DAB1: variants seen among roughly 807,000 people sequenced by gnomAD.
DAB1 encodes the protein DAB adaptor protein 1.
Under a neutral mutation model 64.6 loss-of-function variants are expected in DAB1, and 15 were observed. The observed-to-expected ratio is 0.23, with a 90% CI of 0.16 to 0.36. The LOEUF (loss-of-function observed/expected upper bound fraction) is 0.36. Among genes scored for constraint, DAB1 ranks in the 10% least tolerant of loss-of-function variants. The pLI, the probability that DAB1 is intolerant of heterozygous loss-of-function variation, is 1.00. For synonymous variants in DAB1, 235 were observed against 251.9 expected, an observed-to-expected ratio of 0.93 and a Z score of 0.64; for missense variants, 596 against 706.7, an observed-to-expected ratio of 0.84 and a Z score of 1.78.
intron 7 of DAB1, among the ~76,000 whole-genome samples, chr1:57,440,481 C>T (rs900051953): frequency 6.6e-6 from 1 of 151,526 alleles, no homozygotes; most frequent in Admixed American, 6.6e-5. Flanking sequence ...CCAGCCAGGG[C>T]TTGTGAAGAA....
intron 2 of DAB1, among the ~76,000 whole-genome samples, chr1:57,230,083 G>T (rs1023692380): frequency 5.3e-5 from 8 of 152,116 alleles, no homozygotes; most frequent in Non-Finnish European, 1.2e-4. Flanking sequence ...TCAAATTTCA[G>T]TTCTGAACTC....
chr1:57,105,384 G>GGT (rs140805735), intron 4 of DAB1, among the ~76,000 whole-genome samples: 108 of 149,392 alleles, frequency 7.2e-4, no homozygotes, highest in Non-Finnish European at 1.1e-3. Flanking sequence ...CCCAGTGTGT[G>GGT]GTGTGTGTGT....
chr1:58,058,506 A>G (rs1419431246), intron 5 of DAB1, among the ~76,000 whole-genome samples: 2 of 152,192 alleles, frequency 1.3e-5, no homozygotes, highest in African/African-American at 4.8e-5. Context: ...CAGGCTCTGA[A>G]CAGTTTTCCC....
rs112143726 is a variant in DAB1, at chr1:58,402,638, G to A, written n.258-59235C>T. ...TGAATAATTGAAGGGGAAGAGGAGG[G>A]AAAGGAGGAGGGGGGGAGAGAGAGG... is the stretch of plus-strand genomic sequence containing the variant. On this transcript the variant is annotated intron_variant and non_coding_transcript_variant, in intron 3 of 20. Coordinates refer to the DAB1 transcript ENST00000485760. 2.8e-3 allele frequency among the ~76,000 whole-genome samples: 421 copies of A among 151,494 alleles called. 2 individuals are homozygous for A. The highest frequency in any genetic ancestry group is 9.6e-3 in the African/African-American group (398 of 41,408).
intron 5 of DAB1, among the ~76,000 whole-genome samples, chr1:58,065,049 G>A (rs1336707026): frequency 6.6e-6 from 1 of 152,172 alleles, no homozygotes; most frequent in African/African-American, 2.4e-5. Context: ...TCTGAGTTGG[G>A]TACTATGCTA....
intron 3 of DAB1, among the ~76,000 whole-genome samples, chr1:58,382,246 T>G (rs1208935438): frequency 1.3e-5 from 2 of 152,172 alleles, no homozygotes; most frequent in African/African-American, 4.8e-5. Context: ...CTGCTTGGTC[T>G]TTCCTACTGT....
intron 6 of DAB1, among the ~76,000 whole-genome samples, chr1:57,744,806 GAGGACATGGTTCCTGTCCAGT>G (rs1305937255): frequency 6.6e-6 from 1 of 152,144 alleles, no homozygotes; most frequent in Admixed American, 6.5e-5. Flanking sequence ...AACTATGGCC[GAGGACATGGTTCCTGTCCAGT>G]AGGAACAAAA....
chr1:58,177,575 C>T (rs1213191342), intron 4 of DAB1, among the ~76,000 whole-genome samples: 2 of 152,088 alleles, frequency 1.3e-5, no homozygotes, highest in East Asian at 3.9e-4. Flanking sequence ...GACTATAATA[C>T]ACAGTGCCTG....
intron 6 of DAB1, among the ~76,000 whole-genome samples, chr1:57,771,891 A>T (rs1649578834): frequency 6.6e-6 from 1 of 152,064 alleles, no homozygotes; most frequent in Non-Finnish European, 1.5e-5. Context: ...CACTCACCAT[A>T]GTAATTTTGA....
chr1:57,251,303 T>C (rs1669318958), intron 2 of DAB1, among the ~76,000 whole-genome samples: 1 of 152,224 alleles, frequency 6.6e-6, no homozygotes, highest in African/African-American at 2.4e-5. Flanking sequence ...CAGGGCCATT[T>C]CTGAAAACCC....
At chr1:57,401,797 C>T (rs1049118959) in intron 1 of DAB1, among the ~76,000 whole-genome samples, 39 of 152,144 alleles carry the variant, frequency 2.6e-4, no homozygotes, top group African/African-American at 9.2e-4. Context: ...ACACAGCCTG[C>T]CAGGGCTTCA....
intron 1 of DAB1, among the ~76,000 whole-genome samples, chr1:57,294,411 T>G (rs147489425): frequency 1.3e-5 from 2 of 152,164 alleles, no homozygotes; most frequent in East Asian, 3.9e-4. Flanking sequence ...TCATGTTTAT[T>G]GATGGGGTGG....
At chr1:57,154,550 G>T (rs1660030299) in intron 2 of DAB1, among the ~76,000 whole-genome samples, 1 of 152,104 alleles carries the variant, frequency 6.6e-6, no homozygotes, top group Admixed American at 6.6e-5. Flanking sequence ...TTTCTTTTGG[G>T]TATATACCCA....
At chr1:58,447,559 T>C (rs1645082040) in intron 3 of DAB1, among the ~76,000 whole-genome samples, 1 of 152,106 alleles carries the variant, frequency 6.6e-6, no homozygotes, top group South Asian at 2.1e-4. Flanking sequence ...CTGCCAGCCT[T>C]CCCAGAGCTT....
At chr1:57,979,140 A>G (rs201990979) in intron 5 of DAB1, among the ~76,000 whole-genome samples, 7 of 152,246 alleles carry the variant, frequency 4.6e-5, no homozygotes, top group Non-Finnish European at 7.3e-5. Context: ...ACTATTTACA[A>G]TAGCAAAGAC....
intron 6 of DAB1, among the ~76,000 whole-genome samples, chr1:57,809,021 T>A (rs1651496455): frequency 6.6e-6 from 1 of 152,140 alleles, no homozygotes; most frequent in South Asian, 2.1e-4. Context: ...TCACAGAAGC[T>A]CCTCGGAAAA....
intron 5 of DAB1, among the ~76,000 whole-genome samples, 190 bp from the exon 6 acceptor site, chr1:57,071,831 T>A (rs1170119881): frequency 6.6e-6 from 1 of 152,222 alleles, no homozygotes; most frequent in Non-Finnish European, 1.5e-5. Context: ...TTTCTTCAAC[T>A]AATTATATTT....
intron 4 of DAB1, among the ~76,000 whole-genome samples, chr1:58,203,273 C>T (rs929698168): frequency 1.3e-5 from 2 of 152,174 alleles, no homozygotes; most frequent in Non-Finnish European, 2.9e-5. Context: ...TGTGATCAAA[C>T]ATTTTATCTG....
At chr1:58,113,384 A>T (rs2100654882) in intron 5 of DAB1, among the ~76,000 whole-genome samples, 1 of 152,274 alleles carries the variant, frequency 6.6e-6, no homozygotes, top group African/African-American at 2.4e-5. Flanking sequence ...GTCCTTCCCG[A>T]ATTCCTCCAC....
Sources: gnomAD v4.1 joint callset for allele counts (sites outside exome capture counted in the v4.1 genomes callset) on GRCh38, gnomAD v4.1.1 for gene constraint, MANE v1.5 for transcripts, NCBI Gene and HGNC (gene_info 2026-07-23, HGNC 2026-07-21) for gene names.